The following E2F5 variants were observed in gnomAD, a reference collection of about 807,000 sequenced individuals.
E2F5 encodes the protein transcription factor E2F5.
A neutral mutation model predicts 39.1 loss-of-function variants in E2F5; 23 were observed. The ratio of observed to expected loss-of-function variants is 0.59; its 90% CI spans 0.42 to 0.83. E2F5 has a LOEUF of 0.83. E2F5 is among the 40% of genes least tolerant of loss of function. E2F5 has a pLI of 0.00. For missense variants in E2F5, 365 were observed against 406.7 expected (o/e 0.90, Z 0.88); for synonymous variants, 145 against 157.8 (o/e 0.92, Z 0.61).
At chr8:85,196,951 G>C (rs936863892) in intron 1 of E2F5, among the ~76,000 whole-genome samples, 1 of 152,104 alleles carries the variant, frequency 6.6e-6, no homozygotes, top group African/African-American at 2.4e-5. Flanking sequence ...GTACCATGTG[G>C]CTCAGTTGAA....
At chr8:85,203,842 ATATATT>A (rs1408581288) in intron 3 of E2F5, among the ~76,000 whole-genome samples, 1 of 147,938 alleles carries the variant, frequency 6.8e-6, no homozygotes, top group African/African-American at 2.5e-5. Flanking sequence ...AATATATAAA[ATATATT>A]TATATATAAT....
intron 2 of E2F5, 40 bp downstream of exon 2, chr8:85,202,296 C>A: frequency 2.2e-6 from 2 of 897,160 alleles, no homozygotes; most frequent in Non-Finnish European, 3.3e-6. Context: ...AACCTTTTTT[C>A]TTCTCAGTGC....
At chr8:85,193,608 G>T (rs1193509199) in intron 1 of E2F5, among the ~76,000 whole-genome samples, 2 of 152,146 alleles carry the variant, frequency 1.3e-5, no homozygotes, top group African/African-American at 2.4e-5. Flanking sequence ...ACCCCAAACA[G>T]TTCCCTTTTG....
intron 1 of E2F5, among the ~76,000 whole-genome samples, chr8:85,180,511 C>CATACATATAT (rs1812183463): frequency 1.2e-5 from 1 of 80,834 alleles, no homozygotes; most frequent in Non-Finnish European, 2.1e-5. Context: ...AGAAACTATA[C>CATACATATAT]ATATATATAT....
intron 5 of E2F5, among the ~76,000 whole-genome samples, chr8:85,208,345 C>T (rs1225428287): frequency 6.6e-6 from 1 of 152,116 alleles, no homozygotes; most frequent in Non-Finnish European, 1.5e-5. Flanking sequence ...ACAACAACAA[C>T]AACACATCTA....
intron 3 of E2F5, among the ~76,000 whole-genome samples, chr8:85,204,863 C>CTAG (rs1812769397): frequency 6.6e-6 from 1 of 151,936 alleles, no homozygotes; most frequent in Non-Finnish European, 1.5e-5. Flanking sequence ...AACTGGGGGA[C>CTAG]TACCTGCATA....
intron 1 of E2F5, among the ~76,000 whole-genome samples, chr8:85,188,861 G>A (rs138506329): frequency 1.2e-3 from 176 of 152,250 alleles, no homozygotes; most frequent in African/African-American, 4.0e-3. Flanking sequence ...TTGAGGGAAG[G>A]ATGACGGGGT....
chr8:85,199,626 A>G (rs1412889208), intron 1 of E2F5, among the ~76,000 whole-genome samples: 2 of 152,174 alleles, frequency 1.3e-5, no homozygotes, highest in South Asian at 2.1e-4. Flanking sequence ...AAGAATTCAC[A>G]CACAACTTTT....
At chr8:85,212,859 T>G (rs1184354097) in intron 7 of E2F5, 1 of 149,152 alleles carries the variant, frequency 6.7e-6, no homozygotes, top group African/African-American at 2.5e-5. Context: ...GTTTGCAAAG[T>G]GGAAAACAAA....
chr8:85,192,027 G>T (rs1812478363), intron 1 of E2F5, among the ~76,000 whole-genome samples: 1 of 152,122 alleles, frequency 6.6e-6, no homozygotes, highest in Non-Finnish European at 1.5e-5. Context: ...CTTAAACTAG[G>T]TTAGAGGCAG....
intron 1 of E2F5, among the ~76,000 whole-genome samples, chr8:85,197,633 TTTTG>T (rs1219602348): frequency 2.6e-5 from 4 of 152,218 alleles, no homozygotes; most frequent in African/African-American, 4.8e-5. Flanking sequence ...AGAGGAATAT[TTTTG>T]TTTGTTTTTT....
At chr8:85,209,062 T>C in intron 5 of E2F5, 80 bp from the exon 6 acceptor site, 1 of 1,415,130 alleles carries the variant, frequency 7.1e-7, no homozygotes, top group Non-Finnish European at 9.7e-7. Flanking sequence ...CCTAATAGCT[T>C]TGCCTGTCTT....
At chr8:85,212,498 A>T (rs913988199) in intron 7 of E2F5, 11 of 268,262 alleles carry the variant, frequency 4.1e-5, no homozygotes, top group Non-Finnish European at 7.7e-5. Context: ...GAGTAAAATA[A>T]CTTGTCTAAA....
intron 1 of E2F5, among the ~76,000 whole-genome samples, chr8:85,193,849 A>G (rs927483471): frequency 2.0e-5 from 3 of 152,090 alleles, no homozygotes; most frequent in African/African-American, 4.8e-5. Context: ...TGTTTTATGG[A>G]TGTACCACAC....
intron 1 of E2F5, among the ~76,000 whole-genome samples, chr8:85,190,087 G>A (rs1812428540): frequency 6.6e-6 from 1 of 152,088 alleles, no homozygotes; most frequent in African/African-American, 2.4e-5. Context: ...GCCTAGTCTG[G>A]CCCTCCTTCC....
chr8:85,198,951 C>T (rs1587492764), intron 1 of E2F5, among the ~76,000 whole-genome samples: 1 of 152,152 alleles, frequency 6.6e-6, no homozygotes, highest in Admixed American at 6.6e-5. Flanking sequence ...CTGTAGTATA[C>T]CTTATTTGTA....
At chr8:85,193,563 A>C (rs1812515027) in intron 1 of E2F5, among the ~76,000 whole-genome samples, 1 of 152,184 alleles carries the variant, frequency 6.6e-6, no homozygotes, top group South Asian at 2.1e-4. Context: ...TACCTGAATG[A>C]CCATCACCTC....
At chr8:85,186,579 GTATA>G (rs1350132844) in intron 1 of E2F5, among the ~76,000 whole-genome samples, 4 of 147,780 alleles carry the variant, frequency 2.7e-5, no homozygotes, top group African/African-American at 9.9e-5. Context: ...TGGTGTGTGT[GTATA>G]TATATGATAT....
At chr8:85,193,927 C>A (rs1429170170) in intron 1 of E2F5, among the ~76,000 whole-genome samples, 1 of 152,076 alleles carries the variant, frequency 6.6e-6, no homozygotes, top group Admixed American at 6.6e-5. Flanking sequence ...GCTATGAATT[C>A]ATGTATAAGC....
Sources: allele counts gnomAD v4.1 joint callset (sites outside exome capture counted in the v4.1 genomes callset), GRCh38; gene constraint gnomAD v4.1.1; transcripts MANE v1.5; gene names NCBI Gene and HGNC (gene_info 2026-07-23, HGNC 2026-07-21).